Variants in SYNDIG1L observed in about 807,000 individuals in gnomAD.
SYNDIG1L encodes synapse differentiation-inducing gene protein 1-like.
In SYNDIG1L, 13 loss-of-function variants were observed where a neutral mutation model predicts 20.1. The observed-to-expected ratio is 0.65, with a 90% CI of 0.42 to 1.03. SYNDIG1L has a LOEUF of 1.03. Ranked by LOEUF, SYNDIG1L falls within the 50% of genes least tolerant of loss-of-function variation. The pLI, the probability that SYNDIG1L is intolerant of heterozygous loss-of-function variation, is 0.00. For synonymous variants in SYNDIG1L, 128 were observed against 129.3 expected, an observed-to-expected ratio of 0.99 and a Z score of 0.07; for missense variants, 294 against 305.1, an observed-to-expected ratio of 0.96 and a Z score of 0.27.
intron 1 of SYNDIG1L, among the ~76,000 whole-genome samples, chr14:74,415,631 T>C (rs8016381): frequency 0.12 from 18,472 of 152,062 alleles, 2,486 homozygotes; most frequent in African/African-American, 0.33. Context: ...CCTCGACTTT[T>C]TGGGCTCAAG....
chr14:74,428,643 T>C (rs932782785), upstream of SYNDIG1L, among the ~76,000 whole-genome samples: 1 of 152,112 alleles, frequency 6.6e-6, no homozygotes, highest in East Asian at 1.9e-4. Context: ...GGAGGCTTCC[T>C]GGAGAAGGTC....
At chr14:74,468,702 C>A in the SYNDIG1L span, among the ~76,000 whole-genome samples, 199 of 152,190 alleles carry the variant, frequency 1.3e-3, no homozygotes, top group African/African-American at 4.4e-3. Context: ...CGAGGACTTG[C>A]GTGGGCCCAC....
chr14:74,476,636 G>A, the SYNDIG1L span: 1 of 1,469,150 alleles, frequency 6.8e-7, no homozygotes, highest in Non-Finnish European at 9.2e-7. Flanking sequence ...CCCCAGTCGA[G>A]AGGAGCTGGC....
chr14:74,419,072 C>G (rs924451179), intron 1 of SYNDIG1L, among the ~76,000 whole-genome samples: 4 of 152,126 alleles, frequency 2.6e-5, no homozygotes, highest in Admixed American at 2.0e-4. Context: ...CATGTCCCCT[C>G]TCTCCTTCAC....
chr14:74,478,567 T>A, the SYNDIG1L span, among the ~76,000 whole-genome samples: 41 of 151,924 alleles, frequency 2.7e-4, no homozygotes, highest in African/African-American at 9.0e-4. Context: ...GGCAGAGGAG[T>A]ATGCAGGGTG....
At chr14:74,452,092 G>A in the SYNDIG1L span, among the ~76,000 whole-genome samples, 1 of 150,500 alleles carries the variant, frequency 6.6e-6, no homozygotes, top group Admixed American at 6.6e-5. Flanking sequence ...TTACTAAAGA[G>A]AATATAGAAA....
the SYNDIG1L span, among the ~76,000 whole-genome samples, chr14:74,440,720 CAT>C: frequency 6.6e-6 from 1 of 151,642 alleles, no homozygotes; most frequent in Non-Finnish European, 1.5e-5. Context: ...AATATCTAAA[CAT>C]ATAGAATACC....
the SYNDIG1L span, among the ~76,000 whole-genome samples, chr14:74,457,800 G>A: frequency 6.6e-6 from 1 of 151,940 alleles, no homozygotes; most frequent in Non-Finnish European, 1.5e-5. Context: ...GGCAGGTGAT[G>A]CAATTTAAAG....
At chr14:74,409,058 T>TTATC (rs1209360898) in intron 2 of SYNDIG1L, among the ~76,000 whole-genome samples, 1 of 147,720 alleles carries the variant, frequency 6.8e-6, no homozygotes, top group Non-Finnish European at 1.5e-5. Flanking sequence ...TTTTATTTAT[T>TTATC]TATTTATTTA....
the SYNDIG1L span, among the ~76,000 whole-genome samples, chr14:74,463,867 T>C: frequency 2.0e-5 from 3 of 152,202 alleles, no homozygotes; most frequent in Non-Finnish European, 4.4e-5. Flanking sequence ...CTGATCAGCC[T>C]GCTTTAGAAA....
the SYNDIG1L span, among the ~76,000 whole-genome samples, chr14:74,466,757 C>T: frequency 2.8e-3 from 427 of 152,272 alleles, 3 homozygotes; most frequent in South Asian, 0.031. Context: ...ACAAAAGGTC[C>T]GGTGGCTAAA....
the SYNDIG1L span, among the ~76,000 whole-genome samples, chr14:74,475,981 A>C: frequency 2.6e-5 from 4 of 152,212 alleles, no homozygotes; most frequent in African/African-American, 9.6e-5. Context: ...ACAGTGGTTA[A>C]TGGAAGAGCT....
intron 2 of SYNDIG1L, among the ~76,000 whole-genome samples, chr14:74,409,083 T>G (rs1237176070): frequency 6.7e-6 from 1 of 149,728 alleles, no homozygotes; most frequent in Non-Finnish European, 1.5e-5. Flanking sequence ...TTTATTTATT[T>G]ATTTATATTT....
In SYNDIG1L at chr14:74,406,417, C is replaced by T. The variant is rs1161059997; in HGVS notation, c.*1118G>A. The stretch of plus-strand genomic sequence containing the variant: ...AGAATCCAAACAGCCTGGAAGCTTC[C>T]CATGGAAGGTTCCTGCCACATCCCT... On this transcript the variant is annotated 3_prime_UTR_variant, in exon 4 of 4. Coordinates refer to ENST00000331628, the MANE Select transcript of SYNDIG1L (RefSeq NM_001105579.2). The T allele has an allele frequency of 4.2e-6, 1 of 238,402 alleles. No homozygotes were observed. Among genetic ancestry groups the T allele is most frequent in the Admixed American group, 5.6e-5 (1 of 17,700 alleles). The allele number at this position is 238,402 out of a possible 1,614,324, so 14.8% of individuals were successfully genotyped here. A position where few individuals can be genotyped will look rare whatever the true frequency, so the allele number is the denominator to read the frequency against.
chr14:74,450,905 T>C, the SYNDIG1L span, among the ~76,000 whole-genome samples: 14 of 152,252 alleles, frequency 9.2e-5, no homozygotes, highest in East Asian at 2.7e-3. Context: ...AAACTAGGAA[T>C]AGAAAACTGT....
intron 1 of SYNDIG1L, among the ~76,000 whole-genome samples, chr14:74,410,754 C>CA (rs1300800154): frequency 6.6e-6 from 1 of 152,096 alleles, no homozygotes; most frequent in African/African-American, 2.4e-5. Flanking sequence ...GGCATGTGCT[C>CA]ACAGCTGTCA....
upstream of SYNDIG1L, among the ~76,000 whole-genome samples, chr14:74,428,723 C>T (rs535732632): frequency 1.1e-4 from 16 of 152,130 alleles, no homozygotes; most frequent in South Asian, 2.7e-3. Context: ...GTAGGAAGGC[C>T]GGAGTGAACA....
the SYNDIG1L span, among the ~76,000 whole-genome samples, chr14:74,447,194 AAAAT>A: frequency 6.6e-6 from 1 of 152,268 alleles, no homozygotes; most frequent in Admixed American, 6.5e-5. Context: ...TGTAAGGTAA[AAAAT>A]AAGCAAAATC....
the SYNDIG1L span, among the ~76,000 whole-genome samples, chr14:74,455,682 A>G: frequency 3.3e-5 from 5 of 152,204 alleles, no homozygotes; most frequent in African/African-American, 1.2e-4. Flanking sequence ...GGCCTCCCAA[A>G]GGCTGGGATT....
Sources: gnomAD v4.1 joint callset for allele counts (sites outside exome capture counted in the v4.1 genomes callset) on GRCh38, gnomAD v4.1.1 for gene constraint, MANE v1.5 for transcripts, NCBI Gene and HGNC (gene_info 2026-07-23, HGNC 2026-07-21) for gene names.